The following CTTNBP2NL variants were observed in gnomAD, a reference collection of about 807,000 sequenced individuals.
The protein encoded by CTTNBP2NL is CTTNBP2 N-terminal-like protein.
CTTNBP2NL carries 16 observed loss-of-function variants against 32.5 expected under a neutral mutation model. That is an observed-to-expected ratio of 0.49 (90% CI 0.33 to 0.75). The LOEUF (loss-of-function observed/expected upper bound fraction) is 0.75. CTTNBP2NL is among the 30% of genes least tolerant of loss of function. The pLI, the probability that CTTNBP2NL is intolerant of heterozygous loss-of-function variation, is 0.02. For synonymous variants in CTTNBP2NL, 298 were observed against 289.4 expected (o/e 1.03, Z -0.30); for missense variants, 645 against 756.0 (o/e 0.85, Z 1.72).
At chr1:112,440,311 C>T (rs1159516235) in intron 3 of CTTNBP2NL, among the ~76,000 whole-genome samples, 1 of 152,174 alleles carries the variant, frequency 6.6e-6, no homozygotes, top group Admixed American at 6.6e-5. Flanking sequence ...GACTTTATAA[C>T]ATTAGTTAGT....
At chr1:112,435,327 T>C (rs926264788) in intron 3 of CTTNBP2NL, among the ~76,000 whole-genome samples, 1 of 152,082 alleles carries the variant, frequency 6.6e-6, no homozygotes, top group Non-Finnish European at 1.5e-5. Context: ...TTTATTATTA[T>C]TATTTTTTTC....
intron 3 of CTTNBP2NL, among the ~76,000 whole-genome samples, chr1:112,422,360 A>G (rs1170600367): frequency 6.6e-6 from 1 of 152,216 alleles, no homozygotes; most frequent in African/African-American, 2.4e-5. Flanking sequence ...CATTATATGT[A>G]TATACCACGG....
intron 4 of CTTNBP2NL, 103 bp downstream of exon 4, chr1:112,449,275 A>T (rs559860215): frequency 4.6e-6 from 3 of 658,224 alleles, no homozygotes; most frequent in Non-Finnish European, 7.9e-6. Context: ...TTCAATTGGG[A>T]CATCTCACGG....
At chr1:112,411,463 A>G (rs1275048592) in intron 1 of CTTNBP2NL, among the ~76,000 whole-genome samples, 2 of 152,158 alleles carry the variant, frequency 1.3e-5, no homozygotes, top group Non-Finnish European at 2.9e-5. Flanking sequence ...ATATACAGCT[A>G]TAGCTGTCTA....
At chr1:112,409,606 C>T (rs1215339432) in intron 1 of CTTNBP2NL, among the ~76,000 whole-genome samples, 1 of 152,110 alleles carries the variant, frequency 6.6e-6, no homozygotes, top group East Asian at 1.9e-4. Flanking sequence ...TGTACTCCAC[C>T]CTGCCCTGCC....
Position 112,456,663 on chromosome 1 carries a change from G to A in CTTNBP2NL, c.1171G>A (p.Gly391Arg). ...LAQEKPVENG[G>R]CPVGIETPVP... ...CCAAGAGAAACCAGTGGAGAATGGT[G>A]GGTGTCCTGTGGGGATTGAGACTCC... is the stretch of plus-strand genomic sequence containing the variant. Residue 391 changes from glycine (G) to arginine (R), a missense_variant, in exon 6 of 6, where the codon GGG becomes AGG. Coordinates refer to ENST00000271277, the MANE Select transcript of CTTNBP2NL (RefSeq NM_018704.3). 1 of 1,614,136 alleles carries A rather than the reference G, an allele frequency of 6.2e-7. No individual in the cohort carries two copies. The highest frequency in any genetic ancestry group is 1.1e-5 in the South Asian group (1 of 91,080).
chr1:112,393,458 T>C (rs1463953431), upstream of CTTNBP2NL, among the ~76,000 whole-genome samples: 1 of 152,242 alleles, frequency 6.6e-6, no homozygotes, highest in Non-Finnish European at 1.5e-5. Context: ...GTTGATAAAA[T>C]GATAGACATT....
intron 3 of CTTNBP2NL, among the ~76,000 whole-genome samples, chr1:112,421,155 A>G (rs1649215316): frequency 6.6e-6 from 1 of 152,078 alleles, no homozygotes; most frequent in East Asian, 1.9e-4. Context: ...AATACTAATA[A>G]GGCCAGGCAC....
At chr1:112,401,242 A>G (rs1280299604) in intron 1 of CTTNBP2NL, among the ~76,000 whole-genome samples, 1 of 152,220 alleles carries the variant, frequency 6.6e-6, no homozygotes, top group Non-Finnish European at 1.5e-5. Context: ...GAGGGAAACA[A>G]AGCTTGTTTG....
upstream of CTTNBP2NL, among the ~76,000 whole-genome samples, chr1:112,394,697 T>G (rs1648267965): frequency 6.6e-6 from 1 of 152,246 alleles, no homozygotes; most frequent in African/African-American, 2.4e-5. Flanking sequence ...AGAGCTGTCC[T>G]TCTGGCTCTA....
At chr1:112,435,090 C>T (rs994072389) in intron 3 of CTTNBP2NL, among the ~76,000 whole-genome samples, 2 of 146,238 alleles carry the variant, frequency 1.4e-5, no homozygotes, top group African/African-American at 2.6e-5. Flanking sequence ...TTGTAGCAAG[C>T]CGAGATCACA....
chr1:112,425,212 T>C (rs921139214), intron 3 of CTTNBP2NL, among the ~76,000 whole-genome samples: 24 of 152,130 alleles, frequency 1.6e-4, no homozygotes, highest in Non-Finnish European at 1.6e-4. Context: ...GGCTTACACC[T>C]GTAATCCCAG....
At chr1:112,441,795 A>C (rs769935129) in intron 3 of CTTNBP2NL, among the ~76,000 whole-genome samples, 1 of 152,020 alleles carries the variant, frequency 6.6e-6, no homozygotes, top group African/African-American at 2.4e-5. Context: ...CTGATCCCTA[A>C]TGACTTAGGC....
chr1:112,413,748 C>A (rs1428170845), intron 2 of CTTNBP2NL, among the ~76,000 whole-genome samples: 1 of 152,084 alleles, frequency 6.6e-6, no homozygotes, highest in Non-Finnish European at 1.5e-5. Context: ...TGCTGAAATT[C>A]ACTTGTTAGA....
In CTTNBP2NL at chr1:112,458,090, T is replaced by G. The variant is rs1056253947; in HGVS notation, c.*678T>G. On this transcript the variant is annotated 3_prime_UTR_variant, in exon 6 of 6. Coordinates refer to ENST00000271277, the MANE Select transcript of CTTNBP2NL (RefSeq NM_018704.3). ...TTGGGGTGCTGATTTTCTTGTACTT[T>G]TGAAAAATTAAGTCACTCCCAGTTT... The G allele has an allele frequency of 1.3e-5, 2 of 152,652 alleles. No homozygotes were observed. The highest frequency in any genetic ancestry group is 2.9e-5 in the Non-Finnish European group (2 of 68,042). 9.5% of individuals were successfully genotyped at this position (152,652 alleles called of 1,614,324 possible). A position where few individuals can be genotyped will look rare whatever the true frequency, so the allele number is the denominator to read the frequency against.
intron 3 of CTTNBP2NL, among the ~76,000 whole-genome samples, chr1:112,428,464 C>T (rs1486874927): frequency 6.6e-6 from 1 of 151,978 alleles, no homozygotes; most frequent in Non-Finnish European, 1.5e-5. Context: ...TCTTTCCAAC[C>T]CACCTGAAAT....
intron 2 of CTTNBP2NL, among the ~76,000 whole-genome samples, chr1:112,412,626 T>TTC (rs1648907039): frequency 6.9e-6 from 1 of 144,580 alleles, no homozygotes; most frequent in Admixed American, 6.9e-5. Flanking sequence ...TTTTTTTTTT[T>TTC]TTTTTTTTGA....
At chr1:112,399,994 A>G (rs2488759) in intron 1 of CTTNBP2NL, among the ~76,000 whole-genome samples, 73,594 of 151,934 alleles carry the variant, frequency 0.48, 20,239 homozygotes, top group African/African-American at 0.75. Flanking sequence ...GCTTAAACCC[A>G]GGAGGCGGAG....
chr1:112,422,974 A>G (rs1401930827), intron 3 of CTTNBP2NL, among the ~76,000 whole-genome samples: 1 of 151,990 alleles, frequency 6.6e-6, no homozygotes, highest in Non-Finnish European at 1.5e-5. Flanking sequence ...TAAAATTTTT[A>G]GTAGAAATGA....
Sources: gnomAD v4.1 joint callset for allele counts (sites outside exome capture counted in the v4.1 genomes callset) on GRCh38, gnomAD v4.1.1 for gene constraint, MANE v1.5 for transcripts, NCBI Gene and HGNC (gene_info 2026-07-23, HGNC 2026-07-21) for gene names.